FBLN7: variants seen among roughly 807,000 people sequenced by gnomAD.
FBLN7 encodes fibulin-7.
In FBLN7, 31 loss-of-function variants were observed where a neutral mutation model predicts 44.0. The observed-to-expected ratio is 0.70, with a 90% CI of 0.53 to 0.95. The LOEUF (loss-of-function observed/expected upper bound fraction) is 0.95. Among genes scored for constraint, FBLN7 ranks in the 40% least tolerant of loss-of-function variants. FBLN7 has a pLI of 0.00. For synonymous variants in FBLN7, 262 were observed against 253.4 expected (o/e 1.03, Z -0.32); for missense variants, 573 against 618.5 (o/e 0.93, Z 0.78).
intron 1 of FBLN7, among the ~76,000 whole-genome samples, chr2:112,149,738 T>C (rs1170654717): frequency 3.3e-5 from 5 of 152,200 alleles, no homozygotes; most frequent in Non-Finnish European, 2.9e-5. Flanking sequence ...ACGACACACA[T>C]TTTTGTTAAA....
the FBLN7 span, among the ~76,000 whole-genome samples, chr2:112,210,248 G>C: frequency 6.6e-6 from 1 of 151,952 alleles, no homozygotes; most frequent in African/African-American, 2.4e-5. Flanking sequence ...TCAGAGATGG[G>C]GTAGCAGTAG....
At chr2:112,148,441 T>A (rs773165204) in intron 1 of FBLN7, among the ~76,000 whole-genome samples, 1 of 152,234 alleles carries the variant, frequency 6.6e-6, no homozygotes, top group Non-Finnish European at 1.5e-5. Context: ...AAATGAGGTA[T>A]TTCATAAAAC....
chr2:112,160,138 C>T (rs569784417), intron 2 of FBLN7, among the ~76,000 whole-genome samples: 12 of 152,114 alleles, frequency 7.9e-5, no homozygotes, highest in African/African-American at 9.7e-5. Flanking sequence ...CTACAGGCGC[C>T]CGCCACCACG....
chr2:112,212,965 C>CCTTTTTTTTTTTTTTTTTTTTTTT, the FBLN7 span: 1 of 84,918 alleles, frequency 1.2e-5, no homozygotes, highest in Non-Finnish European at 2.3e-5. Flanking sequence ...AGAAGAAATG[C>CCTTTTTTTTTTTTTTTTTTTTTTT]TTTTTTTTTT....
At chr2:112,151,172 C>CTGGATTCCGT (rs1288708142) in intron 1 of FBLN7, 4 of 152,266 alleles carry the variant, frequency 2.6e-5, no homozygotes, top group African/African-American at 9.7e-5. Flanking sequence ...ACGGATTCCG[C>CTGGATTCCGT]TGGATTCCGT....
chr2:112,150,774 T>A (rs1465173317), intron 1 of FBLN7, among the ~76,000 whole-genome samples: 1 of 152,070 alleles, frequency 6.6e-6, no homozygotes, highest in Non-Finnish European at 1.5e-5. Context: ...AGAAAATGAA[T>A]AATATTCAAA....
At position 112,185,308 on chromosome 2, in the gene FBLN7, G is replaced by A. The variant is rs937294316; in HGVS notation, c.916G>A (p.Gly306Ser). Residue 306 changes from glycine (G) to serine (S), a missense_variant, in exon 7 of 8, where the codon GGC (glycine) becomes AGC (serine). Gly to Ser is a moderately conservative substitution (Grantham distance 56, BLOSUM62 0). Coordinates refer to ENST00000331203, the MANE Select transcript of FBLN7 (RefSeq NM_153214.3). ...CVSPECPEGS[G>S]NVSYVKTSPF... ...CAGCCCTGAGTGCCCCGAGGGCAGC[G>A]GCAATGTGAGCTACGTGAAGACGTC... is the stretch of plus-strand genomic sequence containing the variant. 15 of 1,613,752 alleles carry A rather than the reference G, an allele frequency of 9.3e-6. No individual in the cohort carries two copies. The highest frequency in any genetic ancestry group is 1.6e-4 in the Middle Eastern group (1 of 6,078).
chr2:112,185,156 GGAAGGTCAGGGC>G (rs762257563), intron 6 of FBLN7, 33 bp from the exon 7 acceptor site: 1 of 1,587,214 alleles, frequency 6.3e-7, no homozygotes, highest in Admixed American at 1.7e-5. Flanking sequence ...TGCAATGGAG[GGAAGGTCAGGGC>G]GATTCTCACC....
chr2:112,238,045 C>T, the FBLN7 span, among the ~76,000 whole-genome samples: 1 of 152,174 alleles, frequency 6.6e-6, no homozygotes, highest in East Asian at 1.9e-4. Context: ...GAGGCCAGGG[C>T]TTTAGCATTC....
chr2:112,237,053 C>A, the FBLN7 span, among the ~76,000 whole-genome samples: 2 of 152,088 alleles, frequency 1.3e-5, no homozygotes, highest in Non-Finnish European at 2.9e-5. Flanking sequence ...AGAGTGAGAA[C>A]CTGTCGCAAA....
intron 4 of FBLN7, among the ~76,000 whole-genome samples, chr2:112,181,050 C>T (rs531242728): frequency 5.9e-5 from 9 of 151,900 alleles, no homozygotes; most frequent in African/African-American, 2.2e-4. Context: ...ATGGATGGAG[C>T]TGGAGGCTAC....
the FBLN7 span, among the ~76,000 whole-genome samples, chr2:112,242,311 C>G: frequency 6.6e-6 from 1 of 152,144 alleles, no homozygotes; most frequent in African/African-American, 2.4e-5. Context: ...CACTTGAAAA[C>G]TATATAAAAT....
intron 2 of FBLN7, among the ~76,000 whole-genome samples, chr2:112,163,776 T>G (rs1439275892): frequency 6.6e-6 from 1 of 152,102 alleles, no homozygotes; most frequent in Non-Finnish European, 1.5e-5. Flanking sequence ...GGCCTTTTTG[T>G]TTTCTTTCCA....
intron 4 of FBLN7, 134 bp downstream of exon 4, chr2:112,175,973 C>G: frequency 8.9e-7 from 1 of 1,128,180 alleles, no homozygotes; most frequent in Non-Finnish European, 1.2e-6. Context: ...CTCTCTGTTT[C>G]ACATCCACCG....
At chr2:112,206,335 T>C in the FBLN7 span, among the ~76,000 whole-genome samples, 2 of 152,362 alleles carry the variant, frequency 1.3e-5, no homozygotes, top group South Asian at 4.1e-4. Flanking sequence ...TAACTGACTT[T>C]TTTTCATTGA....
chr2:112,167,080 G>T (rs761540965), intron 3 of FBLN7, among the ~76,000 whole-genome samples: 3 of 152,212 alleles, frequency 2.0e-5, no homozygotes, highest in Non-Finnish European at 4.4e-5. Context: ...ACCTGCCCAC[G>T]CACCCCCAAG....
At chr2:112,176,587 C>T (rs1474580778) in intron 4 of FBLN7, 1 of 152,280 alleles carries the variant, frequency 6.6e-6, no homozygotes, top group Non-Finnish European at 1.5e-5. Context: ...TTTATCAATA[C>T]TTATGATCCT....
At chr2:112,161,100 C>A (rs1384976233) in intron 2 of FBLN7, among the ~76,000 whole-genome samples, 1 of 152,150 alleles carries the variant, frequency 6.6e-6, no homozygotes, top group Non-Finnish European at 1.5e-5. Context: ...TCATGCTTGC[C>A]CTGTAACAGC....
chr2:112,202,475 AT>A, the FBLN7 span, among the ~76,000 whole-genome samples: 1 of 151,918 alleles, frequency 6.6e-6, no homozygotes, highest in East Asian at 1.9e-4. Flanking sequence ...TTTAAAAGGT[AT>A]TGTGATGTCA....
Sources: gnomAD v4.1 joint callset for allele counts (sites outside exome capture counted in the v4.1 genomes callset) on GRCh38, gnomAD v4.1.1 for gene constraint, MANE v1.5 for transcripts, NCBI Gene and HGNC (gene_info 2026-07-23, HGNC 2026-07-21) for gene names.